The following CAMK2B variants were observed in gnomAD, a reference collection of about 807,000 sequenced individuals.
The protein encoded by CAMK2B is calcium/calmodulin dependent protein kinase II beta.
A neutral mutation model predicts 93.7 loss-of-function variants in CAMK2B; 27 were observed. The ratio of observed to expected loss-of-function variants is 0.29; its 90% CI spans 0.21 to 0.40. CAMK2B has a LOEUF of 0.40. Among genes scored for constraint, CAMK2B ranks in the 10% least tolerant of loss-of-function variants. CAMK2B has a pLI of 1.00. For missense variants in CAMK2B, 568 were observed against 895.8 expected, an observed-to-expected ratio of 0.63 and a Z score of 4.67; for synonymous variants, 374 against 358.8, an observed-to-expected ratio of 1.04 and a Z score of -0.48.
rs2096915621 is a variant in CAMK2B at position 44,265,595 on chromosome 7, T to C, written c.161-2531A>G. ...GAAAGATGCAATTATGAACGCATTC[T>C]CCTGGGACACAGATAATTTATATGC... is the stretch of plus-strand genomic sequence containing the variant. On this transcript the variant is annotated intron_variant, in intron 2 of 23. Coordinates refer to ENST00000395749, the MANE Select transcript of CAMK2B (RefSeq NM_001220.5). 7.9e-5 allele frequency among the ~76,000 whole-genome samples: 12 copies of C among 152,352 alleles called. 1 individual carries two copies. The South Asian group carries it at 2.5e-3, about 32-fold the overall frequency.
rs1162234881 is a variant in CAMK2B, at chr7:44,312,837, G to A, written c.65+12520C>T. 6.6e-6 allele frequency among the ~76,000 whole-genome samples: 1 copy of A among 152,194 alleles called. No homozygotes were observed. Among genetic ancestry groups the A allele is most frequent in the Non-Finnish European group, 1.5e-5 (1 of 68,028 alleles). On this transcript the variant is annotated intron_variant, in intron 1 of 23. Coordinates refer to ENST00000395749, the MANE Select transcript of CAMK2B (RefSeq NM_001220.5). The surrounding 1 kb of genome is among the most constrained non-coding windows in gnomAD (Gnocchi z 4.1). ...AACCTGGCCTCAGGCATGCAGAGGA[G>A]TTGTGAAAAGCATCAAAATCACTGC...
intron 1 of CAMK2B, among the ~76,000 whole-genome samples, chr7:44,301,749 C>G (rs1790104837): frequency 6.6e-6 from 1 of 151,798 alleles, no homozygotes; most frequent in Admixed American, 6.6e-5. Context: ...TGCACTCCAG[C>G]CTGGTGACAG....
chr7:44,221,720 G>GC (rs57522294), intron 20 of CAMK2B, among the ~76,000 whole-genome samples: 8,165 of 152,244 alleles, frequency 0.054, 282 homozygotes, highest in East Asian at 0.086. Flanking sequence ...GCTCCTGCCC[G>GC]CCCCCCTTGG....
At position 44,220,615 on chromosome 7, in the gene CAMK2B, C is replaced by T. The variant is rs1298352581; in HGVS notation, c.1768+1G>A. The T allele has an allele frequency of 6.2e-7, 1 of 1,612,348 alleles. No individual in the cohort carries two copies. Among genetic ancestry groups the T allele is most frequent in the Non-Finnish European group, 8.5e-7 (1 of 1,179,174 alleles). On this transcript the variant is annotated splice_donor_variant, in intron 22 of 23. Coordinates refer to ENST00000395749, the MANE Select transcript of CAMK2B (RefSeq NM_001220.5). LOFTEE classifies it high-confidence loss of function. ...ATGCCCACCCGGGCTTCCTCACTCA[C>T]GGTTCTCGAAGTAGAATCTGTGGAA...
chr7:44,253,790 G>T (rs1301093636), intron 5 of CAMK2B, among the ~76,000 whole-genome samples: 1 of 151,844 alleles, frequency 6.6e-6, no homozygotes, highest in African/African-American at 2.4e-5. Flanking sequence ...TAGAGAGGGG[G>T]TCTCATTATA....
chr7:44,290,313 G>A (rs1012490972), intron 1 of CAMK2B, among the ~76,000 whole-genome samples: 3 of 152,194 alleles, frequency 2.0e-5, no homozygotes, highest in Admixed American at 1.3e-4. Context: ...CGCTCCCCAC[G>A]CGGGCCAGGC....
At chr7:44,237,985 G>A (rs116549800) in intron 13 of CAMK2B, among the ~76,000 whole-genome samples, 6 of 152,320 alleles carry the variant, frequency 3.9e-5, no homozygotes, top group Non-Finnish European at 7.4e-5. Context: ...AAGCACACTC[G>A]ACAGACGGGG....
intron 8 of CAMK2B, among the ~76,000 whole-genome samples, chr7:44,242,890 G>A (rs1562874897): frequency 1.3e-5 from 2 of 152,208 alleles, no homozygotes; most frequent in Non-Finnish European, 2.9e-5. Flanking sequence ...AAGCCCCTCT[G>A]CTGCTCCCCA....
At chr7:44,245,455 T>C (rs955293153) in intron 6 of CAMK2B, among the ~76,000 whole-genome samples, 5 of 152,142 alleles carry the variant, frequency 3.3e-5, no homozygotes, top group Non-Finnish European at 4.4e-5. Flanking sequence ...GTCCCCCAAA[T>C]TGGGGAGGAG....
chr7:44,249,464 G>A (rs541820691), intron 5 of CAMK2B, among the ~76,000 whole-genome samples: 104 of 152,316 alleles, frequency 6.8e-4, no homozygotes, highest in Non-Finnish European at 1.1e-3. Context: ...TGGTGTGGAC[G>A]GTAGCAGTGC....
Position 44,325,430 on chromosome 7 carries a change from C to A in CAMK2B, c.-9G>T. 1.8e-6 allele frequency: 2 copies of A among 1,138,078 alleles called. No homozygotes were observed. Among genetic ancestry groups the A allele is most frequent in the Non-Finnish European group, 2.2e-6 (2 of 909,818 alleles). The allele number at this position is 1,138,078 out of a possible 1,614,324, so 70.5% of individuals were successfully genotyped here. Reference sequence around the variant, plus strand: ...GTCACCGTGGTGGCCATGGCGGCGGCGGACGGGCTCGGCGTGCGCTCGGCT... The same window carrying A: ...GTCACCGTGGTGGCCATGGCGGCGGAGGACGGGCTCGGCGTGCGCTCGGCT... On this transcript the variant is annotated 5_prime_UTR_variant, in exon 1 of 24. Transcript: ENST00000395749.
chr7:44,310,734 T>C (rs1225013545), intron 1 of CAMK2B, among the ~76,000 whole-genome samples: 1 of 152,176 alleles, frequency 6.6e-6, no homozygotes, highest in Non-Finnish European at 1.5e-5. Context: ...ATGGGGTCCC[T>C]AAAGTTGTCA....
rs564097986 is a variant in CAMK2B, at chr7:44,220,876, G to A, written c.1623C>T (p.Thr541=). 85 of 1,572,748 alleles carry A rather than the reference G, an allele frequency of 5.4e-5. No homozygotes were observed. Among genetic ancestry groups the A allele is most frequent in the Non-Finnish European group, 6.9e-5 (80 of 1,158,046 alleles). ...TPSRKQEIIK[T]TEQLIEAVNN... is the part of the protein sequence containing the mutation. The stretch of plus-strand genomic sequence containing the variant: ...TGACGGCCTCGATGAGCTGCTCCGT[G>A]GTCTTAATGATCTCCTGCTTCCGGG... The change falls in exon 21 of 24, where the codon ACC becomes ACT. Residue 541 remains threonine (T), a synonymous_variant. Coordinates refer to ENST00000395749, the MANE Select transcript of CAMK2B (RefSeq NM_001220.5).
In CAMK2B at chr7:44,311,251, T is replaced by G. The variant is rs1041468258; in HGVS notation, c.65+14106A>C. On this transcript the variant is annotated intron_variant, in intron 1 of 23. Coordinates refer to ENST00000395749, the MANE Select transcript of CAMK2B (RefSeq NM_001220.5). The surrounding 1 kb of genome is among the most constrained non-coding windows in gnomAD (Gnocchi z 4.2). ...CCACCACGCCTGGCACATTTTTGTA[T>G]TTTTAGTAGACATGGGGTTTCACCA... Among the ~76,000 whole-genome samples, 36 of 152,082 alleles carry G rather than the reference T, an allele frequency of 2.4e-4. No homozygotes were observed. The highest frequency in any genetic ancestry group is 2.4e-3 in the Admixed American group (36 of 15,278).
chr7:44,221,530 G>C (rs985313918), intron 20 of CAMK2B, among the ~76,000 whole-genome samples: 2 of 151,446 alleles, frequency 1.3e-5, no homozygotes, highest in Non-Finnish European at 2.9e-5. Context: ...CCGGAGCGAT[G>C]ACCAGGGCTG....
intron 2 of CAMK2B, among the ~76,000 whole-genome samples, chr7:44,264,792 C>A (rs997945228): frequency 2.0e-5 from 3 of 152,210 alleles, no homozygotes; most frequent in Admixed American, 6.5e-5. Context: ...GGAACTGGAA[C>A]CAGCCCAAGT....
At chr7:44,291,532 G>A (rs1433707957) in intron 1 of CAMK2B, among the ~76,000 whole-genome samples, 2 of 152,182 alleles carry the variant, frequency 1.3e-5, no homozygotes, top group African/African-American at 4.8e-5. Context: ...ACCCAAACTC[G>A]GCCACAGCCT....
Position 44,234,775 on chromosome 7 carries a change from G to C in CAMK2B, c.1022-99C>G, listed in dbSNP as rs542599178. On this transcript the variant is annotated intron_variant, in intron 13 of 23. Coordinates refer to ENST00000395749, the MANE Select transcript of CAMK2B (RefSeq NM_001220.5). ...GCCTGACCCCACTCTTTCCCCAGGA[G>C]CAAGCCCAGGGTCCTGAGGCAAGTG... 7.5e-5 allele frequency: 99 copies of C among 1,313,854 alleles called. No homozygotes were observed. The African/African-American group carries it at 1.2e-3, about 16-fold the overall frequency. 81.4% of individuals were successfully genotyped at this position (1,313,854 alleles called of 1,614,324 possible). A position where few individuals can be genotyped will look rare whatever the true frequency, so the allele number is the denominator to read the frequency against.
chr7:44,276,368 C>T (rs573489166), intron 2 of CAMK2B, among the ~76,000 whole-genome samples: 4 of 152,180 alleles, frequency 2.6e-5, no homozygotes, highest in African/African-American at 9.7e-5. Flanking sequence ...CTGTGGATTG[C>T]GCGGGAGCCA....
Sources: gnomAD v4.1 joint callset for allele counts (sites outside exome capture counted in the v4.1 genomes callset) on GRCh38, gnomAD v4.1.1 for gene constraint, Gnocchi (gnomAD v3.1) non-coding constraint, MANE v1.5 for transcripts, NCBI Gene and HGNC (gene_info 2026-07-23, HGNC 2026-07-21) for gene names.